The following PAK5 variants were observed in gnomAD, a reference collection of about 807,000 sequenced individuals.
The protein encoded by PAK5 is serine/threonine-protein kinase PAK 5.
PAK5 carries 16 observed loss-of-function variants against 65.9 expected under a neutral mutation model. The ratio of observed to expected loss-of-function variants is 0.24; its 90% CI spans 0.16 to 0.37. PAK5 has a LOEUF of 0.37. Among genes scored for constraint, PAK5 ranks in the 10% least tolerant of loss-of-function variants. PAK5 has a pLI of 1.00. For missense variants in PAK5, 785 were observed against 903.9 expected, an observed-to-expected ratio of 0.87 and a Z score of 1.69; for synonymous variants, 371 against 354.9, an observed-to-expected ratio of 1.05 and a Z score of -0.51.
chr20:9,702,566 A>G (rs1336459236), intron 2 of PAK5, among the ~76,000 whole-genome samples: 1 of 152,218 alleles, frequency 6.6e-6, no homozygotes, highest in East Asian at 1.9e-4. Flanking sequence ...GCTGACTGCC[A>G]TGGTTCCTTT....
chr20:9,794,820 C>T (rs1463645080), intron 1 of PAK5, among the ~76,000 whole-genome samples: 1 of 151,982 alleles, frequency 6.6e-6, no homozygotes, highest in African/African-American at 2.4e-5. Flanking sequence ...CTTTGTTCCT[C>T]CAAGTATCAT....
At chr20:9,607,181 A>T (rs1157432169) in intron 3 of PAK5, among the ~76,000 whole-genome samples, 2 of 152,182 alleles carry the variant, frequency 1.3e-5, no homozygotes, top group Admixed American at 1.3e-4. Context: ...GCCAGCCATG[A>T]AACACACTGA....
intron 3 of PAK5, among the ~76,000 whole-genome samples, chr20:9,625,240 T>C (rs1459514429): frequency 1.3e-5 from 2 of 152,176 alleles, no homozygotes; most frequent in African/African-American, 4.8e-5. Context: ...TCTCCTTATA[T>C]TTGATAACTC....
At chr20:9,660,734 A>G (rs952536391) in intron 2 of PAK5, among the ~76,000 whole-genome samples, 4 of 152,134 alleles carry the variant, frequency 2.6e-5, no homozygotes, top group African/African-American at 9.7e-5. Flanking sequence ...AGTTCTAGTA[A>G]GAGTCAACAG....
At chr20:9,593,995 A>G (rs1033585226) in intron 3 of PAK5, among the ~76,000 whole-genome samples, 2 of 152,238 alleles carry the variant, frequency 1.3e-5, no homozygotes, top group Non-Finnish European at 2.9e-5. Context: ...TTCATCTGGC[A>G]GCTTCAATTG....
chr20:9,704,321 T>A (rs1044672397), intron 2 of PAK5, among the ~76,000 whole-genome samples: 1 of 152,280 alleles, frequency 6.6e-6, no homozygotes, highest in South Asian at 2.1e-4. Context: ...CATCCTCAGC[T>A]TAACATTTTC....
chr20:9,572,369 T>C (rs973496426), intron 4 of PAK5, among the ~76,000 whole-genome samples: 1 of 152,216 alleles, frequency 6.6e-6, no homozygotes, highest in Non-Finnish European at 1.5e-5. Flanking sequence ...TGATAGCCTA[T>C]ATTTGGAAGG....
At chr20:9,805,654 A>T (rs1164768783) in intron 1 of PAK5, among the ~76,000 whole-genome samples, 2 of 152,200 alleles carry the variant, frequency 1.3e-5, no homozygotes. Flanking sequence ...ATTAGATATA[A>T]ATTACACATA....
In PAK5 at chr20:9,814,422, T is replaced by C. The variant is rs149503540; in HGVS notation, c.-162+24340A>G. Among the ~76,000 whole-genome samples, 6 of 152,272 alleles carry C rather than the reference T, an allele frequency of 3.9e-5. No homozygotes were observed. The East Asian group carries it at 1.2e-3, about 29-fold the overall frequency. On this transcript the variant is annotated intron_variant, in intron 1 of 9. Coordinates refer to ENST00000353224, the MANE Select transcript of PAK5 (RefSeq NM_177990.4). ...CTTGAAAAAATGATTGTGGTTAATA[T>C]TGCCATATTTCATTGACCAAGAATT... is the stretch of plus-strand genomic sequence containing the variant.
At chr20:9,587,710 C>T (rs1362611555) in intron 3 of PAK5, among the ~76,000 whole-genome samples, 1 of 152,042 alleles carries the variant, frequency 6.6e-6, no homozygotes. Context: ...TTCCAAAAAG[C>T]TCTCAGGTGA....
intron 3 of PAK5, among the ~76,000 whole-genome samples, chr20:9,590,566 A>AG (rs2046151197): frequency 6.6e-6 from 1 of 151,704 alleles, no homozygotes; most frequent in East Asian, 1.9e-4. Flanking sequence ...CTAGATACAC[A>AG]GGTCTCATCT....
At position 9,580,364 on chromosome 20, in the gene PAK5, C is replaced by G. The variant is rs777475273; in HGVS notation, c.771G>C (p.Trp257Cys). Residue 257 changes from tryptophan (W) to cysteine (C), a missense_variant, in exon 4 of 10, where the codon TGG becomes TGC. Coordinates refer to ENST00000353224, the MANE Select transcript of PAK5 (RefSeq NM_177990.4). The part of the protein sequence containing the change: ...KESLAYSESE[W>C]GPSLDDYDRR... Reference sequence around the variant, plus strand: ...TGTCATAGTCATCCAGGCTGGGTCCCCATTCACTTTCACTGTACGCCAGGC... The same window carrying G: ...TGTCATAGTCATCCAGGCTGGGTCCGCATTCACTTTCACTGTACGCCAGGC... 6.2e-6 allele frequency: 10 copies of G among 1,613,934 alleles called. No individual in the cohort carries two copies. Among genetic ancestry groups the G allele is most frequent in the South Asian group, 2.2e-5 (2 of 91,078 alleles).
At chr20:9,799,766 A>T (rs1404862287) in intron 1 of PAK5, among the ~76,000 whole-genome samples, 1 of 151,610 alleles carries the variant, frequency 6.6e-6, no homozygotes, top group Non-Finnish European at 1.5e-5. Context: ...ATAAAGAAAT[A>T]TCTGTTACAA....
chr20:9,709,370 G>C (rs2048049493), intron 2 of PAK5, among the ~76,000 whole-genome samples: 1 of 152,180 alleles, frequency 6.6e-6, no homozygotes, highest in Admixed American at 6.6e-5. Context: ...ACTAGCTAGT[G>C]ATTTATAAGG....
intron 1 of PAK5, among the ~76,000 whole-genome samples, chr20:9,787,288 C>T (rs1358211688): frequency 2.6e-5 from 4 of 152,110 alleles, no homozygotes; most frequent in African/African-American, 7.2e-5. Context: ...TCTTTCTATT[C>T]CAGCTCCAGT....
At chr20:9,557,083 G>C (rs951752124) in intron 7 of PAK5, among the ~76,000 whole-genome samples, 5 of 152,160 alleles carry the variant, frequency 3.3e-5, no homozygotes, top group African/African-American at 1.2e-4. Flanking sequence ...CAGGCATGGG[G>C]TAGTAGGAGT....
At chr20:9,712,559 A>G (rs565830590) in intron 1 of PAK5, among the ~76,000 whole-genome samples, 1 of 152,296 alleles carries the variant, frequency 6.6e-6, no homozygotes, top group Admixed American at 6.5e-5. Context: ...CCGAATAACT[A>G]AAGCAATGCT....
chr20:9,812,590 C>A (rs530916646), intron 1 of PAK5, among the ~76,000 whole-genome samples: 1 of 151,976 alleles, frequency 6.6e-6, no homozygotes, highest in Non-Finnish European at 1.5e-5. Flanking sequence ...AGATGTACAC[C>A]CAAGGGAAGT....
At chr20:9,777,937 G>A (rs1233025913) in intron 1 of PAK5, among the ~76,000 whole-genome samples, 2 of 152,186 alleles carry the variant, frequency 1.3e-5, no homozygotes, top group East Asian at 3.9e-4. Context: ...GGATGGTATA[G>A]GCTAAGCACT....
Sources: allele counts gnomAD v4.1 joint callset (sites outside exome capture counted in the v4.1 genomes callset), GRCh38; gene constraint gnomAD v4.1.1; transcripts MANE v1.5; gene names NCBI Gene and HGNC (gene_info 2026-07-23, HGNC 2026-07-21).